The following ADGRL3 variants were observed in gnomAD, a reference collection of about 807,000 sequenced individuals.
ADGRL3 encodes the protein adhesion G protein-coupled receptor L3, also known as calcium-independent alpha-latrotoxin receptor 3.
Under a neutral mutation model 153.5 loss-of-function variants are expected in ADGRL3, and 62 were observed. That is an observed-to-expected ratio of 0.40 (90% CI 0.33 to 0.50). The LOEUF is 0.50. Ranked by LOEUF, ADGRL3 falls within the 20% of genes least tolerant of loss-of-function variation. The pLI is 0.47. For missense variants in ADGRL3, 1,641 were observed against 1,859.4 expected (o/e 0.88, Z 2.16); for synonymous variants, 710 against 672.5 (o/e 1.06, Z -0.86).
intron 9 of ADGRL3, among the ~76,000 whole-genome samples, chr4:61,837,055 C>G (rs1839614): frequency 0.29 from 43,836 of 151,844 alleles, 7,582 homozygotes; most frequent in East Asian, 0.65. Context: ...TATTTTTATC[C>G]TCATTATAGA....
At chr4:61,478,185 G>T (rs923418652) in intron 2 of ADGRL3, among the ~76,000 whole-genome samples, 1 of 152,018 alleles carries the variant, frequency 6.6e-6, no homozygotes, top group Non-Finnish European at 1.5e-5. Flanking sequence ...CATTTAGGAT[G>T]AACTATATGC....
chr4:61,535,516 A>C (rs1367241645), intron 4 of ADGRL3, among the ~76,000 whole-genome samples: 1 of 152,060 alleles, frequency 6.6e-6, no homozygotes, highest in Non-Finnish European at 1.5e-5. Flanking sequence ...GATTGGTACC[A>C]ACTTTTCTTT....
rs75172946 is a variant in ADGRL3 at position 61,535,410 on chromosome 4, G to T, written c.259+17892G>T. Among the ~76,000 whole-genome samples the T allele has an allele frequency of 4.3e-3, 656 of 152,008 alleles. 4 individuals are homozygous for T. The highest frequency in any genetic ancestry group is 0.015 in the African/African-American group (624 of 41,490). ...TTGGTCTGTAGTTTTCATTTGTTGT[G>T]TCATTGCCAGATTTTGGTGTTAGGA... On this transcript the variant is annotated intron_variant, in intron 4 of 26. Coordinates refer to ENST00000683033, the MANE Select transcript of ADGRL3 (RefSeq NM_001387552.1).
At chr4:61,373,150 C>A (rs1021217150) in intron 1 of ADGRL3, among the ~76,000 whole-genome samples, 1 of 152,130 alleles carries the variant, frequency 6.6e-6, no homozygotes, top group Non-Finnish European at 1.5e-5. Context: ...GTGAGATGAA[C>A]CCGGTACCTC....
At chr4:61,316,105 A>G (rs1478323091) in intron 1 of ADGRL3, among the ~76,000 whole-genome samples, 1 of 152,216 alleles carries the variant, frequency 6.6e-6, no homozygotes, top group Non-Finnish European at 1.5e-5. Context: ...AGTGTTGAAT[A>G]TAATTAAAAT....
intron 4 of ADGRL3, among the ~76,000 whole-genome samples, chr4:61,552,836 T>C (rs970196352): frequency 1.3e-5 from 2 of 152,180 alleles, no homozygotes; most frequent in African/African-American, 2.4e-5. Flanking sequence ...CTAAAATTGC[T>C]TCCCTGTCTA....
chr4:62,010,392 C>T (rs1285888286), intron 21 of ADGRL3, among the ~76,000 whole-genome samples: 1 of 151,996 alleles, frequency 6.6e-6, no homozygotes, highest in Non-Finnish European at 1.5e-5. Context: ...GAGCTCTGTG[C>T]CAGGAATCAG....
At chr4:61,444,220 T>C (rs940294696) in intron 2 of ADGRL3, among the ~76,000 whole-genome samples, 4 of 152,246 alleles carry the variant, frequency 2.6e-5, no homozygotes, top group African/African-American at 9.6e-5. Context: ...TTCCTTCTGA[T>C]AAGCAGTTTT....
At chr4:61,457,782 G>C (rs2097769766) in intron 2 of ADGRL3, among the ~76,000 whole-genome samples, 1 of 151,650 alleles carries the variant, frequency 6.6e-6, no homozygotes, top group South Asian at 2.1e-4. Flanking sequence ...TGATTGGATT[G>C]GGTACAATTG....
intron 9 of ADGRL3, among the ~76,000 whole-genome samples, chr4:61,846,827 G>C (rs573297217): frequency 2.6e-5 from 4 of 151,886 alleles, no homozygotes; most frequent in African/African-American, 9.7e-5. Flanking sequence ...GCAGGAGTGA[G>C]CAAGCAAGGT....
rs188779929 is a variant in ADGRL3 at position 61,334,156 on chromosome 4, A to T, written c.-239-48968A>T. ...GGTCTCAAACTCCTGGCCTCAAGTTATCCTCCCACCTCAGCCTCCCAAAGT... is the reference window on the plus strand; with the variant it reads ...GGTCTCAAACTCCTGGCCTCAAGTTTTCCTCCCACCTCAGCCTCCCAAAGT... On this transcript the variant is annotated intron_variant, in intron 1 of 26. Coordinates refer to ENST00000683033, the MANE Select transcript of ADGRL3 (RefSeq NM_001387552.1). Among the ~76,000 whole-genome samples the T allele has an allele frequency of 1.2e-4, 18 of 152,180 alleles. No homozygotes were observed. The East Asian group carries it at 3.3e-3, about 28-fold the overall frequency.
chr4:62,027,575 G>A (rs1417037655), intron 21 of ADGRL3, among the ~76,000 whole-genome samples: 2 of 151,840 alleles, frequency 1.3e-5, no homozygotes, highest in African/African-American at 2.4e-5. Context: ...CTATTTTACT[G>A]CATCATATTA....
At chr4:61,409,644 C>G (rs1250034810) in intron 2 of ADGRL3, among the ~76,000 whole-genome samples, 1 of 151,292 alleles carries the variant, frequency 6.6e-6, no homozygotes, top group African/African-American at 2.4e-5. Context: ...TTACTTCATG[C>G]ATTTTTCACT....
chr4:61,891,893 T>C (rs1023758735), intron 9 of ADGRL3, among the ~76,000 whole-genome samples: 8 of 152,204 alleles, frequency 5.3e-5, no homozygotes, highest in Non-Finnish European at 8.8e-5. Context: ...TGCCTATTCC[T>C]TGGAAACATA....
At chr4:61,583,877 C>A (rs2149316483) in intron 4 of ADGRL3, among the ~76,000 whole-genome samples, 1 of 152,132 alleles carries the variant, frequency 6.6e-6, no homozygotes, top group East Asian at 1.9e-4. Context: ...TATATGCCTT[C>A]TTTCCTCCAA....
intron 23 of ADGRL3, 25 bp downstream of exon 23, chr4:62,031,635 A>G (rs1241622139): frequency 6.5e-7 from 1 of 1,534,204 alleles, no homozygotes; most frequent in East Asian, 2.3e-5. Flanking sequence ...TTTTTTTAAA[A>G]TAAAAATGGC....
intron 8 of ADGRL3, among the ~76,000 whole-genome samples, chr4:61,792,028 T>C (rs1478148576): frequency 6.6e-6 from 1 of 152,174 alleles, no homozygotes; most frequent in East Asian, 1.9e-4. Flanking sequence ...CCTTTTCCCC[T>C]TTGTCTTGGG....
intron 8 of ADGRL3, among the ~76,000 whole-genome samples, chr4:61,739,973 ATATAT>A (rs2096564028): frequency 6.6e-6 from 1 of 152,236 alleles, no homozygotes; most frequent in African/African-American, 2.4e-5. Flanking sequence ...AAAATGGAAA[ATATAT>A]TATTTTTAGA....
intron 8 of ADGRL3, among the ~76,000 whole-genome samples, chr4:61,805,677 C>A (rs2097545780): frequency 6.6e-6 from 1 of 152,094 alleles, no homozygotes; most frequent in South Asian, 2.1e-4. Context: ...CCAAGTTTTT[C>A]ATATTATAGT....
Sources: gnomAD v4.1 joint callset for allele counts (sites outside exome capture counted in the v4.1 genomes callset) on GRCh38, gnomAD v4.1.1 for gene constraint, MANE v1.5 for transcripts, NCBI Gene and HGNC (gene_info 2026-07-23, HGNC 2026-07-21) for gene names.